The following IQGAP1 variants were observed in gnomAD, a reference collection of about 807,000 sequenced individuals.
The protein encoded by IQGAP1 is ras GTPase-activating-like protein IQGAP1.
In IQGAP1, 66 loss-of-function variants were observed where a neutral mutation model predicts 215.6. That is an observed-to-expected ratio of 0.31 (90% CI 0.25 to 0.38). The LOEUF is 0.38. IQGAP1 is among the 10% of genes least tolerant of loss of function. The pLI is 1.00. For missense variants in IQGAP1, 1,712 were observed against 1,997.1 expected (o/e 0.86, Z 2.72); for synonymous variants, 772 against 728.7 (o/e 1.06, Z -0.96).
At chr15:90,465,798 T>C (rs138855347) in intron 15 of IQGAP1, among the ~76,000 whole-genome samples, 21 of 152,296 alleles carry the variant, frequency 1.4e-4, no homozygotes, top group African/African-American at 4.8e-4. Context: ...CCCAAAGTGT[T>C]GGATTACAGG....
intron 2 of IQGAP1, 111 bp from the exon 3 acceptor site, chr15:90,425,999 A>G (rs1348572835): frequency 3.0e-6 from 3 of 990,820 alleles, no homozygotes; most frequent in Admixed American, 3.1e-5. Context: ...AAAGAGTGCT[A>G]TTATGTTCAG....
At chr15:90,455,985 A>C (rs1300976538) in intron 14 of IQGAP1, among the ~76,000 whole-genome samples, 167 bp from the exon 15 acceptor site, 1 of 152,244 alleles carries the variant, frequency 6.6e-6, no homozygotes, top group Non-Finnish European at 1.5e-5. Flanking sequence ...AGTTGAAATA[A>C]ATACTAATTA....
intron 3 of IQGAP1, among the ~76,000 whole-genome samples, chr15:90,428,012 G>C (rs1280239437): frequency 6.6e-6 from 1 of 152,178 alleles, no homozygotes; most frequent in Non-Finnish European, 1.5e-5. Flanking sequence ...ATCATAAACA[G>C]AAACTTTCCT....
intron 34 of IQGAP1, 75 bp downstream of exon 34, chr15:90,491,620 A>G (rs1355760209): frequency 4.3e-6 from 5 of 1,154,958 alleles, no homozygotes; most frequent in Non-Finnish European, 6.4e-6. Context: ...AGCTGTTCAC[A>G]TAACAGCATA....
intron 37 of IQGAP1, among the ~76,000 whole-genome samples, chr15:90,498,792 C>G (rs561666861): frequency 1.1e-4 from 16 of 150,782 alleles, no homozygotes; most frequent in Admixed American, 6.6e-4. Context: ...GGATTACAGG[C>G]GCACACCATC....
chr15:90,404,442 TATGTTCTTTTC>T (rs1964848498), intron 2 of IQGAP1, among the ~76,000 whole-genome samples: 1 of 152,244 alleles, frequency 6.6e-6, no homozygotes, highest in African/African-American at 2.4e-5. Context: ...AAGCCATTTG[TATGTTCTTTTC>T]TGTGAACTTT....
intron 9 of IQGAP1, among the ~76,000 whole-genome samples, chr15:90,445,196 C>T (rs1056944572): frequency 6.6e-6 from 1 of 151,300 alleles, no homozygotes; most frequent in Admixed American, 6.6e-5. Flanking sequence ...GGTATTTGAT[C>T]TCTTGTTCCT....
intron 8 of IQGAP1, among the ~76,000 whole-genome samples, 168 bp downstream of exon 8, chr15:90,441,852 A>G (rs1053787965): frequency 1.3e-5 from 2 of 152,308 alleles, no homozygotes; most frequent in East Asian, 1.9e-4. Context: ...TCATTTAACC[A>G]TCACTCCCAG....
rs56743627 is a variant in IQGAP1, at chr15:90,406,305, G to A, written c.155+15432G>A. Among the ~76,000 whole-genome samples, 812 of 152,292 alleles carry A rather than the reference G, an allele frequency of 5.3e-3. 11 individuals carry two copies. Among genetic ancestry groups the A allele is most frequent in the African/African-American group, 0.019 (795 of 41,560 alleles). ...TTTTGGACAGGGTCACCAGATTGGT[G>A]AATCAGAGAAAAACACACGCCTGGC... On this transcript the variant is annotated intron_variant, in intron 2 of 37. Coordinates refer to ENST00000268182, the MANE Select transcript of IQGAP1 (RefSeq NM_003870.4).
intron 36 of IQGAP1, 121 bp downstream of exon 36, chr15:90,494,956 A>G (rs781417234): frequency 6.2e-6 from 4 of 643,216 alleles, no homozygotes; most frequent in Admixed American, 3.4e-5. Context: ...ATGTATTTAT[A>G]TATTTTTATG....
rs199625487 is a variant in IQGAP1 at position 90,477,851 on chromosome 15, T to G, written c.3291T>G (p.Ser1097=). 165 of 1,614,026 alleles carry G rather than the reference T, an allele frequency of 1.0e-4. No individual in the cohort carries two copies. The South Asian group carries it at 1.6e-3, about 15-fold the overall frequency. The part of the protein sequence containing the change: ...IKTDPVDIYK[S]WVNQMESQTG... The stretch of plus-strand genomic sequence containing the variant: ...CTGACCCTGTGGATATTTACAAATC[T>G]TGGGTTAATCAGATGGAGTCTCAGA... The change falls in exon 26 of 38, where the codon TCT becomes TCG. Residue 1097 remains serine (S), a synonymous_variant. Transcript: ENST00000268182.
At chr15:90,479,103 T>C (rs1966020517) in intron 26 of IQGAP1, among the ~76,000 whole-genome samples, 1 of 152,130 alleles carries the variant, frequency 6.6e-6, no homozygotes, top group Non-Finnish European at 1.5e-5. Flanking sequence ...TAGAGTTAGA[T>C]CATGCATGAA....
chr15:90,484,353 G>GT lies in IQGAP1; in HGVS notation c.3921+2dup. On this transcript the variant is annotated splice_donor_variant, in intron 30 of 37. Coordinates refer to ENST00000268182, the MANE Select transcript of IQGAP1 (RefSeq NM_003870.4). LOFTEE classifies it high-confidence loss of function. ...TGGTGAAATCATCAACACCCACACT[G>GT]TAAGTATTTTTCTTTAATTACTTAA... 1 of 1,605,514 alleles carries GT rather than the reference G, an allele frequency of 6.2e-7. No individual in the cohort carries two copies. Among genetic ancestry groups the GT allele is most frequent in the Admixed American group, 1.7e-5 (1 of 58,856 alleles).
chr15:90,432,053 T>C (rs1163696682), intron 4 of IQGAP1, among the ~76,000 whole-genome samples: 5 of 152,200 alleles, frequency 3.3e-5, no homozygotes, highest in Non-Finnish European at 7.3e-5. Context: ...CCTTGTTAGA[T>C]ACATTTTCCC....
At chr15:90,443,142 G>A (rs1217544423) in intron 8 of IQGAP1, among the ~76,000 whole-genome samples, 1 of 152,102 alleles carries the variant, frequency 6.6e-6, no homozygotes, top group African/African-American at 2.4e-5. Context: ...AAAGTTTTTT[G>A]TAGAGATGGG....
chr15:90,472,303 T>C (rs1965916504), intron 18 of IQGAP1, among the ~76,000 whole-genome samples: 1 of 152,118 alleles, frequency 6.6e-6, no homozygotes, highest in Non-Finnish European at 1.5e-5. Context: ...TCTGATTGTT[T>C]TATTCCTTTG....
At chr15:90,492,448 A>C in intron 34 of IQGAP1, 97 bp from the exon 35 acceptor site, 18 of 517,076 alleles carry the variant, frequency 3.5e-5, no homozygotes, top group Non-Finnish European at 3.7e-5. Context: ...AAAAGTAGGT[A>C]GTCATATTTA....
chr15:90,492,305 C>G (rs962876881), intron 34 of IQGAP1, among the ~76,000 whole-genome samples: 2 of 151,486 alleles, frequency 1.3e-5, no homozygotes, highest in Non-Finnish European at 2.9e-5. Context: ...TGGCATGTGC[C>G]TGTAAGTCCT....
At chr15:90,410,865 A>G (rs577208425) in intron 2 of IQGAP1, among the ~76,000 whole-genome samples, 143 of 151,594 alleles carry the variant, frequency 9.4e-4, no homozygotes, top group Admixed American at 2.0e-3. Context: ...AAAAGAAAAA[A>G]CATTCCCAAG....
Sources: allele counts gnomAD v4.1 joint callset (sites outside exome capture counted in the v4.1 genomes callset), GRCh38; gene constraint gnomAD v4.1.1; transcripts MANE v1.5; gene names NCBI Gene and HGNC (gene_info 2026-07-23, HGNC 2026-07-21).